PITPNM2: variants seen among roughly 807,000 people sequenced by gnomAD.
PITPNM2 encodes the protein phosphatidylinositol transfer protein membrane associated 2, also known as membrane-associated phosphatidylinositol transfer protein 2.
A neutral mutation model predicts 132.2 loss-of-function variants in PITPNM2; 35 were observed. That is an observed-to-expected ratio of 0.26 (90% CI 0.20 to 0.35). PITPNM2 has a LOEUF of 0.35. Ranked by LOEUF, PITPNM2 falls within the 10% of genes least tolerant of loss-of-function variation. The pLI is 1.00. For missense variants in PITPNM2, 1,332 were observed against 1,912.0 expected, an observed-to-expected ratio of 0.70 and a Z score of 5.66; for synonymous variants, 738 against 799.2, an observed-to-expected ratio of 0.92 and a Z score of 1.29.
chr12:123,115,594 T>A (rs1171296498), intron 1 of PITPNM2, among the ~76,000 whole-genome samples: 1 of 151,638 alleles, frequency 6.6e-6, no homozygotes, highest in Non-Finnish European at 1.5e-5. Flanking sequence ...CACACACGCA[T>A]AACAAAGAGG....
rs2042726237 is a variant in PITPNM2 at position 123,106,842 on chromosome 12, C to G, written c.-96+3543G>C. Among the ~76,000 whole-genome samples, 1 of 152,220 alleles carries G rather than the reference C, an allele frequency of 6.6e-6. No individual in the cohort carries two copies. The highest frequency in any genetic ancestry group is 2.1e-4 in the South Asian group (1 of 4,828). The stretch of plus-strand genomic sequence containing the variant: ...CCATGCTCTGGGCTCTCTGGGCAGC[C>G]TTCTAACATGCGAGACTTATCACAG... On this transcript the variant is annotated intron_variant, in intron 2 of 25. Transcript: ENST00000320201. The surrounding 1 kb of genome is among the most constrained non-coding windows in gnomAD (Gnocchi z 4.4).
chr12:123,066,436 CAGGGGTCTGGCTAT>C (rs2041416700), intron 2 of PITPNM2, among the ~76,000 whole-genome samples: 2 of 152,142 alleles, frequency 1.3e-5, no homozygotes, highest in African/African-American at 4.8e-5. Context: ...GGAGCAAGAG[CAGGGGTCTGGCTAT>C]GTATGCCACC....
At chr12:123,115,232 C>A (rs1288092830) in intron 1 of PITPNM2, among the ~76,000 whole-genome samples, 1 of 152,218 alleles carries the variant, frequency 6.6e-6, no homozygotes, top group East Asian at 1.9e-4. Flanking sequence ...TACTCCCCCT[C>A]CCTTCCATCT....
chr12:122,997,479 C>A lies in PITPNM2; in HGVS notation c.1318G>T (p.Gly440Trp). 6.2e-7 allele frequency: 1 copy of A among 1,613,492 alleles called. No individual in the cohort carries two copies. Among genetic ancestry groups the A allele is most frequent in the Non-Finnish European group, 8.5e-7 (1 of 1,180,006 alleles). Reference sequence around the variant, plus strand: ...TCGCCCTTCTTGGAGCTGGGGTCCCCGGCGCCTGTGTCCAGGATGGTGCCT... The same window carrying A: ...TCGCCCTTCTTGGAGCTGGGGTCCCAGGCGCCTGTGTCCAGGATGGTGCCT... ...HGGTILDTGAGDPSSKKGDAN... is the reference protein window; with the variant it reads ...HGGTILDTGAWDPSSKKGDAN... Residue 440 changes from glycine to tryptophan, a missense_variant, in exon 11 of 26, where the codon GGG becomes TGG. By Grantham distance (184) the Gly-to-Trp change is radical. Transcript: ENST00000320201.
chr12:123,018,648 T>C lies in PITPNM2; in HGVS notation c.79-4606A>G, dbSNP rs549848934. On this transcript the variant is annotated intron_variant, in intron 3 of 25. Coordinates refer to ENST00000320201, the MANE Select transcript of PITPNM2 (RefSeq NM_020845.3). Reference sequence around the variant, plus strand: ...TCTTTTGTAGAGAATGGAGTCTCACTATGTTGCCCAGGCTTGTCTCAAACT... The same window carrying C: ...TCTTTTGTAGAGAATGGAGTCTCACCATGTTGCCCAGGCTTGTCTCAAACT... Among the ~76,000 whole-genome samples the C allele has an allele frequency of 1.4e-4, 21 of 152,210 alleles. No individual in the cohort carries two copies. The East Asian group carries it at 4.1e-3, about 29-fold the overall frequency.
intron 2 of PITPNM2, among the ~76,000 whole-genome samples, chr12:123,109,326 G>A (rs960220103): frequency 6.6e-6 from 1 of 152,246 alleles, no homozygotes; most frequent in African/African-American, 2.4e-5. Context: ...GCCAAGGCCA[G>A]GGATTGTGCC....
In PITPNM2 at chr12:122,985,583, T is replaced by C. The variant is rs1381348206; in HGVS notation, c.*444A>G. On this transcript the variant is annotated 3_prime_UTR_variant, in exon 26 of 26. Coordinates refer to ENST00000320201, the MANE Select transcript of PITPNM2 (RefSeq NM_020845.3). ...GTGCAAAACCAGTGAGGTTGAACAG[T>C]TGAGAAACTCGAGTTAACAAGATGC... 19 of 164,966 alleles carry C rather than the reference T, an allele frequency of 1.2e-4. No homozygotes were observed. Among genetic ancestry groups the C allele is most frequent in the Non-Finnish European group, 6.5e-5 (5 of 76,970 alleles). The allele number at this position is 164,966 out of a possible 1,614,324, so 10.2% of individuals were successfully genotyped here.
intron 6 of PITPNM2, among the ~76,000 whole-genome samples, chr12:123,006,750 T>C (rs2038951602): frequency 6.7e-6 from 1 of 149,938 alleles, no homozygotes; most frequent in Non-Finnish European, 1.5e-5. Context: ...ATAATAATAA[T>C]AATAGAATGA....
chr12:122,988,620 T>C, intron 19 of PITPNM2, 104 bp downstream of exon 19: 1 of 1,228,094 alleles, frequency 8.1e-7, no homozygotes, highest in Non-Finnish European at 1.1e-6. Context: ...TGTGATCTGA[T>C]GGGGTTGGAG....
chr12:123,034,033 T>A (rs564525724), intron 3 of PITPNM2, among the ~76,000 whole-genome samples: 10 of 152,004 alleles, frequency 6.6e-5, no homozygotes, highest in Admixed American at 2.0e-4. Context: ...CTCTGCCATG[T>A]TAGGAAACAG....
chr12:123,096,467 G>A (rs750746503), intron 2 of PITPNM2, among the ~76,000 whole-genome samples: 1 of 152,198 alleles, frequency 6.6e-6, no homozygotes, highest in African/African-American at 2.4e-5. Context: ...CATGCGTTCT[G>A]TTCCTCACCC....
chr12:123,037,743 G>C (rs1408252786), intron 2 of PITPNM2, among the ~76,000 whole-genome samples: 1 of 152,096 alleles, frequency 6.6e-6, no homozygotes. Flanking sequence ...AGGACCCCCT[G>C]AGCCAGATTC....
At position 123,005,528 on chromosome 12, in the gene PITPNM2, G is replaced by T. The variant is rs1320564670; in HGVS notation, c.664C>A (p.Arg222=). The T allele has an allele frequency of 6.2e-7, 1 of 1,613,514 alleles. No homozygotes were observed. The highest frequency in any genetic ancestry group is 2.2e-5 in the East Asian group (1 of 44,866). ...CAGCACCAGGCCTGCCGGTGAGCCC[G>T]CACCATCACCCTCCGTAGTCCTGTG... ...HDTGLRRVMV[R]AHRQAWCWQD... is the part of the protein sequence containing the mutation. Residue 222 remains arginine, a synonymous_variant, in exon 7 of 26, where the codon CGG becomes AGG. Coordinates refer to ENST00000320201, the MANE Select transcript of PITPNM2 (RefSeq NM_020845.3). This position sits in a 1 kb window ranked among gnomAD's most constrained non-coding sequence, Gnocchi z 6.2.
At chr12:123,060,042 G>C (rs920735677) in intron 2 of PITPNM2, among the ~76,000 whole-genome samples, 3 of 152,110 alleles carry the variant, frequency 2.0e-5, no homozygotes, top group Non-Finnish European at 2.9e-5. Context: ...TTTTCTCCAA[G>C]TCCTGGCAGC....
At chr12:123,050,321 C>T (rs2040817578) in intron 2 of PITPNM2, among the ~76,000 whole-genome samples, 1 of 152,174 alleles carries the variant, frequency 6.6e-6, no homozygotes, top group Non-Finnish European at 1.5e-5. Context: ...AGTTTATAAA[C>T]ACTCTGCCAC....
At chr12:123,129,635 C>T (rs879574897) in intron 1 of PITPNM2, among the ~76,000 whole-genome samples, 1 of 152,056 alleles carries the variant, frequency 6.6e-6, no homozygotes, top group Non-Finnish European at 1.5e-5. Flanking sequence ...ACTGAAAGCA[C>T]AGTAGTTGTT....
rs567258429 is a variant in PITPNM2 at position 122,989,487 on chromosome 12, G to A, written c.2731+300C>T. On this transcript the variant is annotated intron_variant, in intron 18 of 25. Coordinates refer to ENST00000320201, the MANE Select transcript of PITPNM2 (RefSeq NM_020845.3). Reference sequence around the variant, plus strand: ...AGTGCCCCCTGGGCTGTCCGCAGGAGAGGCCCAGCAGCAGGGCCTGGTTTA... The same window carrying A: ...AGTGCCCCCTGGGCTGTCCGCAGGAAAGGCCCAGCAGCAGGGCCTGGTTTA... 2.6e-5 allele frequency among the ~76,000 whole-genome samples: 4 copies of A among 152,288 alleles called. No homozygotes were observed. In the East Asian group the frequency reaches 7.7e-4, roughly 29 times the overall value.
chr12:123,032,338 G>A (rs1188736614), intron 3 of PITPNM2, among the ~76,000 whole-genome samples: 2 of 152,176 alleles, frequency 1.3e-5, no homozygotes, highest in Non-Finnish European at 2.9e-5. Context: ...TTAGTTGGGT[G>A]TGGTGGCGCG....
chr12:123,109,858 G>A (rs889150749), intron 2 of PITPNM2, among the ~76,000 whole-genome samples: 3 of 152,210 alleles, frequency 2.0e-5, no homozygotes, highest in Non-Finnish European at 4.4e-5. Context: ...GCTACCAGAG[G>A]CAGAACATCG....
Sources: gnomAD v4.1 joint callset for allele counts (sites outside exome capture counted in the v4.1 genomes callset) on GRCh38, gnomAD v4.1.1 for gene constraint, Gnocchi (gnomAD v3.1) non-coding constraint, MANE v1.5 for transcripts, NCBI Gene and HGNC (gene_info 2026-07-23, HGNC 2026-07-21) for gene names.